Variants in CSRNP3 observed in about 807,000 individuals in gnomAD.
CSRNP3 encodes the protein cysteine/serine-rich nuclear protein 3.
CSRNP3 carries 12 observed loss-of-function variants against 48.0 expected under a neutral mutation model. That is an observed-to-expected ratio of 0.25 (90% CI 0.16 to 0.41). The LOEUF (loss-of-function observed/expected upper bound fraction) is 0.41, where lower values mean the gene tolerates loss of function less well. Among genes scored for constraint, CSRNP3 ranks in the 10% least tolerant of loss-of-function variants. The probability of loss-of-function intolerance (pLI) is 1.00; values close to 1 mark genes in which losing one functional copy is unlikely to be tolerated. For missense variants in CSRNP3, 580 were observed against 724.4 expected, an observed-to-expected ratio of 0.80 and a Z score of 2.29; for synonymous variants, 263 against 269.7, an observed-to-expected ratio of 0.98 and a Z score of 0.24.
chr2:165,640,872 TA>T (rs1686711347), intron 4 of CSRNP3, among the ~76,000 whole-genome samples: 1 of 152,202 alleles, frequency 6.6e-6, no homozygotes, highest in East Asian at 1.9e-4. Context: ...CAGTTTCATT[TA>T]CAAAATTGGT....
At chr2:165,673,360 A>G (rs1573961485) in intron 5 of CSRNP3, among the ~76,000 whole-genome samples, 1 of 150,728 alleles carries the variant, frequency 6.6e-6, no homozygotes, top group Non-Finnish European at 1.5e-5. Context: ...CTGGTCTCGA[A>G]CTCCTGACCT....
rs954746614 is a variant in CSRNP3 at position 165,584,662 on chromosome 2, A to C, written c.-23-10381A>C. On this transcript the variant is annotated intron_variant, in intron 3 of 6. Coordinates refer to ENST00000651982, the MANE Select transcript of CSRNP3 (RefSeq NM_001172173.2). ...AAAGATTAAACAACAAAAAGCTTAT[A>C]GAATGAGTCAAAAGCCTGCAAAAAA... is the stretch of plus-strand genomic sequence containing the variant. Among the ~76,000 whole-genome samples, 29 of 152,240 alleles carry C rather than the reference A, an allele frequency of 1.9e-4. 1 individual carries two copies. The highest frequency in any genetic ancestry group is 7.0e-4 in the African/African-American group (29 of 41,464).
intron 6 of CSRNP3, among the ~76,000 whole-genome samples, chr2:165,677,608 C>A (rs1339462317): frequency 2.7e-5 from 4 of 150,522 alleles, no homozygotes; most frequent in Non-Finnish European, 5.9e-5. Flanking sequence ...AATACAGATA[C>A]AAATTCTGGC....
intron 5 of CSRNP3, among the ~76,000 whole-genome samples, chr2:165,664,202 T>A (rs1284606322): frequency 6.6e-6 from 1 of 152,220 alleles, no homozygotes; most frequent in Non-Finnish European, 1.5e-5. Flanking sequence ...TGTGACTCAA[T>A]ATCCAAATGA....
chr2:165,552,423 T>C (rs1685109250), intron 3 of CSRNP3, among the ~76,000 whole-genome samples: 1 of 152,182 alleles, frequency 6.6e-6, no homozygotes, highest in African/African-American at 2.4e-5. Context: ...AGATATACTT[T>C]GGTTTTTGAA....
At chr2:165,575,771 T>A (rs1280881087) in intron 3 of CSRNP3, among the ~76,000 whole-genome samples, 2 of 151,998 alleles carry the variant, frequency 1.3e-5, no homozygotes, top group Non-Finnish European at 2.9e-5. Context: ...CACTTAGTGG[T>A]TATTCAGGGC....
chr2:165,606,140 A>T (rs920869580), intron 4 of CSRNP3, among the ~76,000 whole-genome samples: 2 of 151,884 alleles, frequency 1.3e-5, no homozygotes, highest in East Asian at 3.8e-4. Flanking sequence ...TATACAAAAA[A>T]ATAGGAAAAT....
intron 3 of CSRNP3, among the ~76,000 whole-genome samples, chr2:165,526,373 A>G (rs1558925237): frequency 1.3e-5 from 2 of 152,232 alleles, no homozygotes; most frequent in South Asian, 2.1e-4. Context: ...TATGATACAA[A>G]TGGCCAACAT....
intron 3 of CSRNP3, among the ~76,000 whole-genome samples, chr2:165,520,814 T>C (rs1351830729): frequency 9.0e-5 from 8 of 89,132 alleles, no homozygotes; most frequent in Non-Finnish European, 1.3e-4. Flanking sequence ...TATATATATA[T>C]ATATATATAT....
At chr2:165,514,169 AT>A (rs567204560) in intron 2 of CSRNP3, among the ~76,000 whole-genome samples, 36 of 152,346 alleles carry the variant, frequency 2.4e-4, no homozygotes, top group Non-Finnish European at 4.4e-4. Context: ...CTCCTCAAAC[AT>A]TTTTTATAAT....
intron 4 of CSRNP3, among the ~76,000 whole-genome samples, chr2:165,606,185 C>A (rs1686008368): frequency 1.3e-5 from 2 of 148,654 alleles, no homozygotes; most frequent in South Asian, 2.2e-4. Context: ...GTAGCATGAA[C>A]TGTGAAAATT....
intron 4 of CSRNP3, among the ~76,000 whole-genome samples, chr2:165,610,393 G>A (rs1443408869): frequency 6.6e-6 from 1 of 152,146 alleles, no homozygotes; most frequent in Admixed American, 6.5e-5. Context: ...TTTTAAATGA[G>A]ATAAGCTCTA....
At chr2:165,506,428 G>A (rs1022079300) in intron 2 of CSRNP3, among the ~76,000 whole-genome samples, 2 of 151,966 alleles carry the variant, frequency 1.3e-5, no homozygotes, top group Non-Finnish European at 2.9e-5. Flanking sequence ...CAACCCATCC[G>A]TGCCTCAGAT....
intron 3 of CSRNP3, among the ~76,000 whole-genome samples, chr2:165,523,861 T>G (rs1304005807): frequency 6.6e-6 from 1 of 152,220 alleles, no homozygotes; most frequent in Non-Finnish European, 1.5e-5. Context: ...CAGTGCTCCC[T>G]GGAGATCCAT....
intron 3 of CSRNP3, among the ~76,000 whole-genome samples, chr2:165,571,275 G>A (rs1348923660): frequency 6.6e-6 from 1 of 151,610 alleles, no homozygotes; most frequent in Non-Finnish European, 1.5e-5. Context: ...GCATGTATTT[G>A]TCATAAGATT....
intron 1 of CSRNP3, among the ~76,000 whole-genome samples, chr2:165,486,237 C>T (rs963467775): frequency 5.9e-5 from 9 of 152,136 alleles, no homozygotes; most frequent in Admixed American, 1.3e-4. Flanking sequence ...CTTTTCAGAC[C>T]GGCTTAAAAA....
At position 165,493,604 on chromosome 2, in the gene CSRNP3, A is replaced by G. The variant is rs564531780; in HGVS notation, c.-282-1155A>G. Among the ~76,000 whole-genome samples, 4 of 152,256 alleles carry G rather than the reference A, an allele frequency of 2.6e-5. No homozygotes were observed. In the South Asian group the frequency reaches 8.3e-4, roughly 32 times the overall value. On this transcript the variant is annotated intron_variant, in intron 1 of 6. Transcript: ENST00000651982. Reference sequence around the variant, plus strand: ...TGCAGAATCTGAATATGAATGGAGCATTGGCCGGAGTTAGAGGAGATTAAA... The same window carrying G: ...TGCAGAATCTGAATATGAATGGAGCGTTGGCCGGAGTTAGAGGAGATTAAA...
In CSRNP3 at chr2:165,501,563, G is replaced by A. The variant is rs551804677; in HGVS notation, c.-113+6635G>A. ...GCTGAATGGGAGTAATCAGAATAGC[G>A]AGTGTTATTGAGCAGTTTATGATTT... is the stretch of plus-strand genomic sequence containing the variant. On this transcript the variant is annotated intron_variant, in intron 2 of 6. Transcript: ENST00000651982. 1.2e-4 allele frequency among the ~76,000 whole-genome samples: 18 copies of A among 152,208 alleles called. 2 individuals carry two copies. The highest frequency in any genetic ancestry group is 3.9e-4 in the African/African-American group (16 of 41,558).
intron 1 of CSRNP3, among the ~76,000 whole-genome samples, chr2:165,484,769 T>C (rs72876189): frequency 1.0e-3 from 153 of 152,318 alleles, no homozygotes; most frequent in South Asian, 4.6e-3. Context: ...TAGCTTTCTC[T>C]GTATAATCCT....
Sources: gnomAD v4.1 joint callset for allele counts (sites outside exome capture counted in the v4.1 genomes callset) on GRCh38, gnomAD v4.1.1 for gene constraint, MANE v1.5 for transcripts, NCBI Gene and HGNC (gene_info 2026-07-23, HGNC 2026-07-21) for gene names.